Variants in TSC22D2 observed in about 807,000 individuals in gnomAD.
TSC22D2 encodes TSC22 domain family member 2.
A neutral mutation model predicts 50.1 loss-of-function variants in TSC22D2; 5 were observed. That is an observed-to-expected ratio of 0.10 (90% CI 0.05 to 0.21). The LOEUF (loss-of-function observed/expected upper bound fraction) is 0.21. Ranked by LOEUF, TSC22D2 falls within the 10% of genes least tolerant of loss-of-function variation. The pLI is 1.00. For synonymous variants in TSC22D2, 501 were observed against 450.1 expected, an observed-to-expected ratio of 1.11 and a Z score of -1.43; for missense variants, 1,003 against 1,015.5, an observed-to-expected ratio of 0.99 and a Z score of 0.17.
chr3:150,414,090 A>G (rs894826414), intron 1 of TSC22D2, among the ~76,000 whole-genome samples: 6 of 152,178 alleles, frequency 3.9e-5, no homozygotes, highest in African/African-American at 1.4e-4. Flanking sequence ...CCTTATAGTA[A>G]TACATCTTAA....
intron 1 of TSC22D2, among the ~76,000 whole-genome samples, chr3:150,445,663 G>C (rs1191216590): frequency 2.0e-5 from 3 of 152,160 alleles, no homozygotes; most frequent in Non-Finnish European, 4.4e-5. Flanking sequence ...TAATTGGGTT[G>C]TTGTGTGTAC....
rs1004334906 is a variant in TSC22D2, at chr3:150,466,095, C to A, written c.*7459C>A. On this transcript the variant is annotated 3_prime_UTR_variant, in exon 3 of 3. Coordinates refer to ENST00000688009, the MANE Select transcript of TSC22D2 (RefSeq NM_001303264.2). ...AAAAGAGAGAGTCCTACATGTCCGG[C>A]ATGGAAGGATCTCCAGGAGACAATG... The A allele has an allele frequency of 1.3e-5, 2 of 151,936 alleles. No individual in the cohort carries two copies. The highest frequency in any genetic ancestry group is 4.8e-5 in the African/African-American group (2 of 41,320). 9.4% of individuals were successfully genotyped at this position (151,936 alleles called of 1,614,324 possible).
intron 1 of TSC22D2, among the ~76,000 whole-genome samples, chr3:150,413,887 T>TA (rs5853477): frequency 6.6e-6 from 1 of 151,556 alleles, no homozygotes; most frequent in South Asian, 2.1e-4. Flanking sequence ...ATGCTTTTTT[T>TA]AAAAAAAAAT....
chr3:150,429,790 G>A (rs900848190), intron 1 of TSC22D2, among the ~76,000 whole-genome samples: 4 of 152,112 alleles, frequency 2.6e-5, no homozygotes, highest in South Asian at 2.1e-4. Flanking sequence ...TTAACAATAC[G>A]TGTTTGTCCC....
intron 1 of TSC22D2, among the ~76,000 whole-genome samples, chr3:150,430,744 G>GT (rs1720351397): frequency 6.6e-6 from 1 of 152,106 alleles, no homozygotes; most frequent in Non-Finnish European, 1.5e-5. Context: ...GATTGCCAAG[G>GT]ATTAGAGTAG....
chr3:150,433,456 C>T (rs372520648), intron 1 of TSC22D2, among the ~76,000 whole-genome samples: 17 of 152,126 alleles, frequency 1.1e-4, no homozygotes, highest in African/African-American at 4.1e-4. Context: ...TAACCTTTGT[C>T]GTAGAAGACA....
intron 1 of TSC22D2, among the ~76,000 whole-genome samples, chr3:150,445,986 C>T (rs1361401241): frequency 3.3e-5 from 5 of 150,560 alleles, no homozygotes; most frequent in South Asian, 2.1e-4. Context: ...CCCAGCTACT[C>T]GGGAGGCTGA....
chr3:150,422,414 A>G (rs1402324929), intron 1 of TSC22D2, among the ~76,000 whole-genome samples: 1 of 152,208 alleles, frequency 6.6e-6, no homozygotes, highest in Non-Finnish European at 1.5e-5. Context: ...ATTATGATAA[A>G]TAGGCTTTTA....
Position 150,463,114 on chromosome 3 carries a change from A to G in TSC22D2, c.*4478A>G, listed in dbSNP as rs1336754119. The G allele has an allele frequency of 6.6e-6, 1 of 152,222 alleles. No homozygotes were observed. Among genetic ancestry groups the G allele is most frequent in the Admixed American group, 6.5e-5 (1 of 15,284 alleles). The allele number at this position is 152,222 out of a possible 1,614,324, so 9.4% of individuals were successfully genotyped here. On this transcript the variant is annotated 3_prime_UTR_variant, in exon 3 of 3. Transcript: ENST00000688009. ...GGGGAATGGAACCTTTGCTGTCACTATGCCTGTCTCTCAATTCTACCCTAA... is the reference window on the plus strand; with the variant it reads ...GGGGAATGGAACCTTTGCTGTCACTGTGCCTGTCTCTCAATTCTACCCTAA...
intron 1 of TSC22D2, among the ~76,000 whole-genome samples, chr3:150,428,606 A>C (rs1041288904): frequency 6.8e-6 from 1 of 147,216 alleles, no homozygotes; most frequent in African/African-American, 2.5e-5. Flanking sequence ...AAAAAAAAAA[A>C]AAACATACTT....
rs1721297050 is a variant in TSC22D2 at position 150,459,259 on chromosome 3, A to G, written c.*623A>G. Reference sequence around the variant, plus strand: ...ATATTTCTAACACTAATGGCAATTTACTTATGGTATTTATTTTCAGTAGTA... The same window carrying G: ...ATATTTCTAACACTAATGGCAATTTGCTTATGGTATTTATTTTCAGTAGTA... On this transcript the variant is annotated 3_prime_UTR_variant, in exon 3 of 3. Coordinates refer to ENST00000688009, the MANE Select transcript of TSC22D2 (RefSeq NM_001303264.2). 6.5e-6 allele frequency: 1 copy of G among 152,690 alleles called. No individual in the cohort carries two copies. Among genetic ancestry groups the G allele is most frequent in the African/African-American group, 2.4e-5 (1 of 41,472 alleles). The allele number at this position is 152,690 out of a possible 1,614,324, so 9.5% of individuals were successfully genotyped here.
Position 150,409,516 on chromosome 3 carries a change from G to T in TSC22D2, c.166G>T (p.Asp56Tyr). 3 of 1,613,018 alleles carry T rather than the reference G, an allele frequency of 1.9e-6. No homozygotes were observed. Among genetic ancestry groups the T allele is most frequent in the Non-Finnish European group, 1.7e-6 (2 of 1,179,472 alleles). ...GATTTTCGACGTCTCTCGGGCCACG[G>T]ATTATGGCCCTGAGGAGGTCTGCGA... ...SEIFDVSRATDYGPEEVCERS... is the reference protein window; with the variant it reads ...SEIFDVSRATYYGPEEVCERS... The change falls in exon 1 of 3, where the codon GAT (aspartate) becomes TAT (tyrosine). Residue 56 changes from aspartate to tyrosine, a missense_variant. Transcript: ENST00000688009. The surrounding 1 kb of genome is among the most constrained non-coding windows in gnomAD (Gnocchi z 7.4).
At chr3:150,448,083 C>T (rs1393904394) in intron 1 of TSC22D2, among the ~76,000 whole-genome samples, 1 of 152,188 alleles carries the variant, frequency 6.6e-6, no homozygotes, top group Non-Finnish European at 1.5e-5. Context: ...ACCCCTTTCT[C>T]CTGTCCTTTC....
At chr3:150,427,447 C>G (rs576287230) in intron 1 of TSC22D2, among the ~76,000 whole-genome samples, 2 of 152,092 alleles carry the variant, frequency 1.3e-5, no homozygotes, top group African/African-American at 4.8e-5. Flanking sequence ...ATTTGAGATT[C>G]ATCTGTATGG....
At chr3:150,412,203 T>C (rs922348485) in intron 1 of TSC22D2, among the ~76,000 whole-genome samples, 1 of 152,196 alleles carries the variant, frequency 6.6e-6, no homozygotes, top group Non-Finnish European at 1.5e-5. Context: ...TTTGAGGAGA[T>C]GTCACATGTA....
chr3:150,441,214 T>A (rs1720708833), intron 1 of TSC22D2, among the ~76,000 whole-genome samples: 1 of 152,110 alleles, frequency 6.6e-6, no homozygotes, highest in Non-Finnish European at 1.5e-5. Flanking sequence ...CATCTTAGTG[T>A]TTGCATATTC....
Position 150,410,885 on chromosome 3 carries a change from C to T in TSC22D2, c.1535C>T (p.Ala512Val). Residue 512 changes from alanine (A) to valine (V), a missense_variant, in exon 1 of 3, where the codon GCC becomes GTC. Physicochemically the swap from Ala to Val is moderately conservative, Grantham distance 64. Coordinates refer to ENST00000688009, the MANE Select transcript of TSC22D2 (RefSeq NM_001303264.2). ...CCCGGAGTTCCAAACGTGCCTGCAG[C>T]CGTGCCCGCTCCAAGCGTGCCTAGT... Reference protein sequence around the residue: ...VVPGVPNVPAAVPAPSVPSVS... With the variant: ...VVPGVPNVPAVVPAPSVPSVS... The T allele has an allele frequency of 6.2e-7, 1 of 1,614,016 alleles. No individual in the cohort carries two copies. The highest frequency in any genetic ancestry group is 8.5e-7 in the Non-Finnish European group (1 of 1,180,026).
Position 150,432,898 on chromosome 3 carries a change from A to G in TSC22D2, c.1958+21590A>G, listed in dbSNP as rs551066718. Among the ~76,000 whole-genome samples, 10 of 152,276 alleles carry G rather than the reference A, an allele frequency of 6.6e-5. No homozygotes were observed. In the South Asian group the frequency reaches 1.2e-3, roughly 19 times the overall value. On this transcript the variant is annotated intron_variant, in intron 1 of 2. Coordinates refer to ENST00000688009, the MANE Select transcript of TSC22D2 (RefSeq NM_001303264.2). ...ATGACTGACTCTATTCTAGCCTGACATTCTTTTTGTTTGTGTGCATAAACA... is the reference window on the plus strand; with the variant it reads ...ATGACTGACTCTATTCTAGCCTGACGTTCTTTTTGTTTGTGTGCATAAACA...
intron 1 of TSC22D2, among the ~76,000 whole-genome samples, chr3:150,449,923 A>G (rs892696401): frequency 1.3e-5 from 2 of 151,846 alleles, no homozygotes; most frequent in East Asian, 1.9e-4. Flanking sequence ...CCATTTTTCT[A>G]TTGGGCATCT....
Sources: allele counts gnomAD v4.1 joint callset (sites outside exome capture counted in the v4.1 genomes callset), GRCh38; gene constraint gnomAD v4.1.1; non-coding constraint Gnocchi (gnomAD v3.1); transcripts MANE v1.5; gene names NCBI Gene and HGNC (gene_info 2026-07-23, HGNC 2026-07-21).